The following CNNM2 variants were observed in gnomAD, a reference collection of about 807,000 sequenced individuals.
CNNM2 encodes the protein metal transporter CNNM2.
A neutral mutation model predicts 66.9 loss-of-function variants in CNNM2; 12 were observed. The observed-to-expected ratio is 0.18, with a 90% CI of 0.11 to 0.29. The LOEUF (loss-of-function observed/expected upper bound fraction) is 0.29. Ranked by LOEUF, CNNM2 falls within the 10% of genes least tolerant of loss-of-function variation. The pLI is 1.00. For missense variants in CNNM2, 705 were observed against 1,167.7 expected (o/e 0.60, Z 5.77); for synonymous variants, 557 against 501.8 (o/e 1.11, Z -1.47).
rs2066265352 is a variant in CNNM2 at position 103,089,943 on chromosome 10, G to A, written c.*12763G>A. ...AAAAAGCTAGAGGCTCAGAAAGCAG[G>A]CAGAGCAAAGTAGCTACTCCCCAAA... On this transcript the variant is annotated 3_prime_UTR_variant, in exon 8 of 8. Coordinates refer to ENST00000369878, the MANE Select transcript of CNNM2 (RefSeq NM_017649.5). 1.3e-6 allele frequency: 2 copies of A among 1,541,240 alleles called. No individual in the cohort carries two copies. The highest frequency in any genetic ancestry group is 1.8e-6 in the Non-Finnish European group (2 of 1,141,046).
In CNNM2 at chr10:103,084,556, C is replaced by T. The variant is rs2065785829; in HGVS notation, c.*7376C>T. 6.6e-6 allele frequency: 1 copy of T among 152,186 alleles called. No homozygotes were observed. The highest frequency in any genetic ancestry group is 2.1e-4 in the South Asian group (1 of 4,836). The allele number at this position is 152,186 out of a possible 1,614,324, so 9.4% of individuals were successfully genotyped here. On this transcript the variant is annotated 3_prime_UTR_variant, in exon 8 of 8. Transcript: ENST00000369878. ...GCCTTGGTTTGTTTTTCCTGTTTTA[C>T]TCACTTGGTCTAGATGAGCCCTTAG...
chr10:103,041,786 C>T (rs1055098111), intron 1 of CNNM2, among the ~76,000 whole-genome samples: 1 of 152,112 alleles, frequency 6.6e-6, no homozygotes, highest in African/African-American at 2.4e-5. Context: ...TCCCTTTATT[C>T]CCCCCTCCCC....
intron 1 of CNNM2, among the ~76,000 whole-genome samples, chr10:103,014,766 C>T (rs924912629): frequency 2.0e-5 from 3 of 152,128 alleles, no homozygotes; most frequent in Admixed American, 6.5e-5. Context: ...GTGGCTCATG[C>T]CTATAATCCT....
At chr10:102,997,299 ATT>A (rs2041058887) in intron 1 of CNNM2, among the ~76,000 whole-genome samples, 1 of 152,174 alleles carries the variant, frequency 6.6e-6, no homozygotes, top group Admixed American at 6.5e-5. Flanking sequence ...CAGGTGACTG[ATT>A]TCTCTGGAAG....
chr10:102,938,412 C>G (rs1481951648), intron 1 of CNNM2, among the ~76,000 whole-genome samples: 1 of 151,344 alleles, frequency 6.6e-6, no homozygotes, highest in Non-Finnish European at 1.5e-5. Context: ...CCACTGCACT[C>G]CAGCCTGGGT....
chr10:102,995,813 G>A lies in CNNM2; in HGVS notation c.1622-53894G>A, dbSNP rs118120753. Among the ~76,000 whole-genome samples the A allele has an allele frequency of 0.028, 4,208 of 151,748 alleles. 86 individuals carry two copies. Among genetic ancestry groups the A allele is most frequent in the Non-Finnish European group, 0.044 (2,957 of 67,902 alleles). ...GTGATCTCGGCTCACCACAACCTCC[G>A]CCTCAGCCTCCCGAGTAGCCGGGAG... On this transcript the variant is annotated intron_variant, in intron 1 of 7. Coordinates refer to ENST00000369878, the MANE Select transcript of CNNM2 (RefSeq NM_017649.5).
chr10:102,919,612 C>T lies in CNNM2; in HGVS notation c.1132C>T (p.Leu378Phe). Residue 378 changes from leucine to phenylalanine, a missense_variant, in exon 1 of 8, where the codon CTC becomes TTC. Physicochemically the swap from Leu to Phe is conservative, Grantham distance 22 (BLOSUM62 0). Coordinates refer to ENST00000369878, the MANE Select transcript of CNNM2 (RefSeq NM_017649.5). ...GLAVGANTIFLTKFFMMMTFP... is the reference protein window; with the variant it reads ...GLAVGANTIFFTKFFMMMTFP... ...GGCTGTGGGGGCCAACACCATCTTC[C>T]TCACCAAGTTTTTCATGATGATGAC... 1 of 1,613,944 alleles carries T rather than the reference C, an allele frequency of 6.2e-7. No homozygotes were observed. The highest frequency in any genetic ancestry group is 8.5e-7 in the Non-Finnish European group (1 of 1,180,040).
intron 1 of CNNM2, among the ~76,000 whole-genome samples, chr10:102,940,577 C>A (rs1260460654): frequency 6.6e-6 from 1 of 151,870 alleles, no homozygotes. Context: ...TGCCACCATG[C>A]CTGGCTAATT....
In CNNM2 at chr10:103,056,907, C is replaced by A. The variant is rs766427541; in HGVS notation, c.2016C>A (p.Pro672=). 1 of 1,613,932 alleles carries A rather than the reference C, an allele frequency of 6.2e-7. No individual in the cohort carries two copies. Among genetic ancestry groups the A allele is most frequent in the African/African-American group, 1.3e-5 (1 of 75,026 alleles). Residue 672 remains proline (P), a synonymous_variant, in exon 4 of 8, where the codon CCC becomes CCA. Coordinates refer to ENST00000369878, the MANE Select transcript of CNNM2 (RefSeq NM_017649.5). ...ATGATGAGAAGAACAAGAAAGCCCC[C>A]GAATACTACCTCTACCAGCGCAACA... is the stretch of plus-strand genomic sequence containing the variant. ...LKYDEKNKKA[P]EYYLYQRNKP... is the part of the protein sequence containing the mutation.
At chr10:103,045,466 C>T (rs1198391097) in intron 1 of CNNM2, among the ~76,000 whole-genome samples, 3 of 152,058 alleles carry the variant, frequency 2.0e-5, no homozygotes, top group Non-Finnish European at 2.9e-5. Context: ...CCATTGTCTG[C>T]GTAAGTGCTG....
chr10:103,028,994 G>A (rs1159038238), intron 1 of CNNM2, among the ~76,000 whole-genome samples: 1 of 150,546 alleles, frequency 6.6e-6, no homozygotes, highest in African/African-American at 2.4e-5. Flanking sequence ...ACTAACTTTT[G>A]TATTTTTAGT....
At chr10:102,982,880 A>G (rs1382171812) in intron 1 of CNNM2, among the ~76,000 whole-genome samples, 1 of 152,198 alleles carries the variant, frequency 6.6e-6, no homozygotes, top group Admixed American at 6.6e-5. Flanking sequence ...TTACAGTCTA[A>G]ATCTTGGAAT....
chr10:102,987,570 C>G (rs1296281953), intron 1 of CNNM2, among the ~76,000 whole-genome samples: 2 of 152,092 alleles, frequency 1.3e-5, no homozygotes, highest in Non-Finnish European at 2.9e-5. Flanking sequence ...ATCTGCCCGC[C>G]TCGGCCTCCC....
intron 1 of CNNM2, among the ~76,000 whole-genome samples, chr10:102,924,724 C>T (rs1845789135): frequency 2.6e-5 from 4 of 151,946 alleles, no homozygotes; most frequent in African/African-American, 7.3e-5. Flanking sequence ...CCCATCTGAG[C>T]CTTCCAAGGT....
chr10:103,057,488 G>T (rs2065315621), intron 4 of CNNM2, among the ~76,000 whole-genome samples: 1 of 151,838 alleles, frequency 6.6e-6, no homozygotes, highest in Non-Finnish European at 1.5e-5. Flanking sequence ...AAAGTTGGGG[G>T]GATGCACCTA....
chr10:103,070,496 C>T (rs1464320898), intron 5 of CNNM2, among the ~76,000 whole-genome samples: 2 of 152,158 alleles, frequency 1.3e-5, no homozygotes, highest in African/African-American at 2.4e-5. Context: ...GGCAGCTGAC[C>T]TCAAATTAGC....
chr10:103,059,027 G>A (rs2065340830), intron 4 of CNNM2, among the ~76,000 whole-genome samples: 1 of 152,182 alleles, frequency 6.6e-6, no homozygotes, highest in South Asian at 2.1e-4. Context: ...AGGCTAGAGT[G>A]CAGTGGTGTG....
chr10:103,056,257 CT>C lies in CNNM2; in HGVS notation c.1904-527del, dbSNP rs916660677. Among the ~76,000 whole-genome samples the C allele has an allele frequency of 3.8e-4, 56 of 147,728 alleles. 1 individual carries two copies. The highest frequency in any genetic ancestry group is 6.8e-4 in the Admixed American group (10 of 14,774). The stretch of plus-strand genomic sequence containing the variant: ...TCTTTGTAAATACTTTTGAACATTA[CT>C]TTTTTTTTTTAAATTAGCATGTTGA... On this transcript the variant is annotated intron_variant, in intron 3 of 7. Coordinates refer to ENST00000369878, the MANE Select transcript of CNNM2 (RefSeq NM_017649.5).
chr10:103,011,400 C>G (rs1019648185), intron 1 of CNNM2, among the ~76,000 whole-genome samples: 4 of 152,130 alleles, frequency 2.6e-5, no homozygotes, highest in Non-Finnish European at 5.9e-5. Context: ...TTGCAGTAAG[C>G]TGAGATTGTG....
Sources: gnomAD v4.1 joint callset for allele counts (sites outside exome capture counted in the v4.1 genomes callset) on GRCh38, gnomAD v4.1.1 for gene constraint, MANE v1.5 for transcripts, NCBI Gene and HGNC (gene_info 2026-07-23, HGNC 2026-07-21) for gene names.